Variants in CHRM3 observed in about 807,000 individuals in gnomAD.
The protein encoded by CHRM3 is cholinergic receptor muscarinic 3.
A neutral mutation model predicts 41.8 loss-of-function variants in CHRM3; 11 were observed. That is an observed-to-expected ratio of 0.26 (90% confidence interval 0.17 to 0.44). The LOEUF (loss-of-function observed/expected upper bound fraction) is 0.44. Ranked by LOEUF, CHRM3 falls within the 20% of genes least tolerant of loss-of-function variation. The pLI, the probability that CHRM3 is intolerant of heterozygous loss-of-function variation, is 1.00. For synonymous variants in CHRM3, 297 were observed against 301.4 expected, an observed-to-expected ratio of 0.99 and a Z score of 0.15; for missense variants, 571 against 745.4, an observed-to-expected ratio of 0.77 and a Z score of 2.72.
At chr1:239,838,799 GA>G (rs1352156339) in intron 6 of CHRM3, among the ~76,000 whole-genome samples, 2 of 152,306 alleles carry the variant, frequency 1.3e-5, no homozygotes, top group East Asian at 3.9e-4. Flanking sequence ...TAGAACATTA[GA>G]ATAGGTAAGG....
intron 1 of CHRM3, among the ~76,000 whole-genome samples, chr1:239,393,554 C>T (rs1387810882): frequency 6.6e-6 from 1 of 152,148 alleles, no homozygotes; most frequent in Non-Finnish European, 1.5e-5. Context: ...TATATGGAGT[C>T]CTCCTTTCTT....
intron 6 of CHRM3, among the ~76,000 whole-genome samples, chr1:239,847,134 T>C (rs1437640515): frequency 1.3e-5 from 2 of 152,198 alleles, no homozygotes; most frequent in African/African-American, 4.8e-5. Flanking sequence ...ATCACATCTG[T>C]ATTCCAAAAA....
At chr1:239,576,588 A>ACACG (rs757111725) in intron 3 of CHRM3, among the ~76,000 whole-genome samples, 1,924 of 106,428 alleles carry the variant, frequency 0.018, 17 homozygotes, top group Non-Finnish European at 0.029. Context: ...ACACACACAC[A>ACACG]CACACGCACA....
chr1:239,459,646 G>T (rs1665210664), intron 1 of CHRM3, among the ~76,000 whole-genome samples: 1 of 152,104 alleles, frequency 6.6e-6, no homozygotes, highest in South Asian at 2.1e-4. Flanking sequence ...CATATTTAGA[G>T]AACCTTTTTT....
At chr1:239,740,632 CT>C (rs1290319123) in intron 5 of CHRM3, among the ~76,000 whole-genome samples, 4 of 152,110 alleles carry the variant, frequency 2.6e-5, no homozygotes, top group Admixed American at 2.6e-4. Flanking sequence ...CCCTCACCCC[CT>C]GACAGGCCCA....
At chr1:239,734,123 C>A (rs1278640460) in intron 5 of CHRM3, among the ~76,000 whole-genome samples, 1 of 152,054 alleles carries the variant, frequency 6.6e-6, no homozygotes, top group Non-Finnish European at 1.5e-5. Context: ...AGGCAACCAA[C>A]CTAATAGCAA....
rs190422236 is a variant in CHRM3, at chr1:239,701,615, A to G, written c.-147+23327A>G. 3.9e-5 allele frequency among the ~76,000 whole-genome samples: 6 copies of G among 152,312 alleles called. No homozygotes were observed. In the East Asian group the frequency reaches 9.7e-4, roughly 25 times the overall value. On this transcript the variant is annotated intron_variant, in intron 5 of 6. Transcript: ENST00000676153. ...CCTCTCACGTTCTCATCCATCCTGC[A>G]TAACATTGCCTGATCATTTTCCTAA...
intron 2 of CHRM3, among the ~76,000 whole-genome samples, chr1:239,538,728 A>G (rs564686835): frequency 3.9e-5 from 6 of 152,342 alleles, no homozygotes; most frequent in African/African-American, 1.2e-4. Flanking sequence ...GCCAATAAAT[A>G]TAAACATGAA....
intron 2 of CHRM3, among the ~76,000 whole-genome samples, chr1:239,493,062 CTG>C (rs1167504945): frequency 6.6e-6 from 1 of 152,162 alleles, no homozygotes; most frequent in African/African-American, 2.4e-5. Flanking sequence ...CAGCTTAAGA[CTG>C]TAGCTGAACT....
intron 5 of CHRM3, among the ~76,000 whole-genome samples, chr1:239,800,210 G>A (rs1670102086): frequency 2.6e-5 from 4 of 152,136 alleles, no homozygotes; most frequent in African/African-American, 4.8e-5. Context: ...TCTTCTTTGT[G>A]TTCGCTTCTC....
intron 2 of CHRM3, among the ~76,000 whole-genome samples, chr1:239,538,894 T>C (rs1658464135): frequency 6.6e-6 from 1 of 152,214 alleles, no homozygotes; most frequent in Non-Finnish European, 1.5e-5. Flanking sequence ...TCCTTACCAC[T>C]GTGGCTATCA....
intron 4 of CHRM3, among the ~76,000 whole-genome samples, chr1:239,654,842 A>G (rs921365049): frequency 2.0e-5 from 3 of 152,234 alleles, no homozygotes; most frequent in African/African-American, 2.4e-5. Flanking sequence ...CTTAGGAAAA[A>G]TAATAAGACC....
At chr1:239,407,417 T>TATATATATAGAGAGAGAGAGAG in intron 1 of CHRM3, among the ~76,000 whole-genome samples, 1 of 134,208 alleles carries the variant, frequency 7.5e-6, no homozygotes, top group Non-Finnish European at 1.7e-5. Flanking sequence ...TATATATATA[T>TATATATATAGAGAGAGAGAGAG]AGAGAGAGAG....
chr1:239,726,621 T>C (rs1035785744), intron 5 of CHRM3, among the ~76,000 whole-genome samples: 1 of 151,944 alleles, frequency 6.6e-6, no homozygotes, highest in Non-Finnish European at 1.5e-5. Flanking sequence ...CTCTATAAGA[T>C]GCATGGTGAT....
chr1:239,796,453 C>T (rs940602728), intron 5 of CHRM3, among the ~76,000 whole-genome samples: 1 of 152,158 alleles, frequency 6.6e-6, no homozygotes, highest in African/African-American at 2.4e-5. Flanking sequence ...TCATTGGCAT[C>T]GTTTCAGTGT....
At chr1:239,515,412 G>GTTTTTTTTTTT (rs66467909) in intron 2 of CHRM3, among the ~76,000 whole-genome samples, 1 of 136,016 alleles carries the variant, frequency 7.4e-6, no homozygotes. Flanking sequence ...TGTTTTTTTT[G>GTTTTTTTTTTT]TTTTTTTTTT....
intron 6 of CHRM3, among the ~76,000 whole-genome samples, chr1:239,848,777 A>G (rs140876002): frequency 6.6e-6 from 1 of 152,312 alleles, no homozygotes; most frequent in African/African-American, 2.4e-5. Context: ...ATGTATGACA[A>G]AACACAGGAT....
Position 239,533,579 on chromosome 1 carries a change from A to AAT in CHRM3, c.-421-12061_-421-12060insTA, listed in dbSNP as rs1196719117. ...AACCCCGTCTCTACTAAAAAAAAAAAAATTACCTGTGCATGGTGGCAGGTG... is the reference window on the plus strand; with the variant it reads ...AACCCCGTCTCTACTAAAAAAAAAAAATAATTACCTGTGCATGGTGGCAGGTG... On this transcript the variant is annotated intron_variant, in intron 2 of 6. Coordinates refer to ENST00000676153, the MANE Select transcript of CHRM3 (RefSeq NM_001375978.1). 1.3e-4 allele frequency among the ~76,000 whole-genome samples: 20 copies of AAT among 151,586 alleles called. 1 individual carries two copies. Among genetic ancestry groups the AAT allele is most frequent in the Non-Finnish European group, 1.5e-5 (1 of 67,930 alleles).
At chr1:239,671,422 T>A in intron 4 of CHRM3, among the ~76,000 whole-genome samples, 1 of 152,136 alleles carries the variant, frequency 6.6e-6, no homozygotes, top group East Asian at 1.9e-4. Context: ...CATTTTGTAT[T>A]AATTAGCTGG....
Sources: allele counts gnomAD v4.1 joint callset (sites outside exome capture counted in the v4.1 genomes callset), GRCh38; gene constraint gnomAD v4.1.1; transcripts MANE v1.5; gene names NCBI Gene and HGNC (gene_info 2026-07-23, HGNC 2026-07-21).